The following ZC3H4 variants were observed in gnomAD, a reference collection of about 807,000 sequenced individuals.
ZC3H4 encodes zinc finger CCCH domain-containing protein 4.
In ZC3H4, 13 loss-of-function variants were observed where a neutral mutation model predicts 108.3. That is an observed-to-expected ratio of 0.12 (90% CI 0.08 to 0.19). The LOEUF (loss-of-function observed/expected upper bound fraction) is 0.19. Among genes scored for constraint, ZC3H4 ranks in the 10% least tolerant of loss-of-function variants. The pLI is 1.00. For synonymous variants in ZC3H4, 917 were observed against 749.6 expected, an observed-to-expected ratio of 1.22 and a Z score of -3.65; for missense variants, 1,734 against 1,838.8, an observed-to-expected ratio of 0.94 and a Z score of 1.04.
intron 2 of ZC3H4, among the ~76,000 whole-genome samples, chr19:47,106,934 C>G (rs980087132): frequency 7.2e-5 from 11 of 152,188 alleles, no homozygotes; most frequent in African/African-American, 2.4e-4. Context: ...CGTGGGGAAA[C>G]TGACTAGTTT....
At chr19:47,083,334 G>C (rs2122858417) in intron 9 of ZC3H4, among the ~76,000 whole-genome samples, 1 of 151,014 alleles carries the variant, frequency 6.6e-6, no homozygotes, top group African/African-American at 2.4e-5. Flanking sequence ...GAGAGAGAGA[G>C]AGAGAGAGAT....
chr19:47,088,558 A>G (rs2057674356), intron 5 of ZC3H4, among the ~76,000 whole-genome samples: 1 of 148,706 alleles, frequency 6.7e-6, no homozygotes, highest in Admixed American at 6.7e-5. Flanking sequence ...AAAAAAAAAG[A>G]AAGAATTGCT....
At chr19:47,102,769 C>CA (rs199731678) in intron 2 of ZC3H4, among the ~76,000 whole-genome samples, 6,149 of 102,932 alleles carry the variant, frequency 0.06, 181 homozygotes, top group East Asian at 0.11. Flanking sequence ...GGAATTCTGG[C>CA]AAAAAAAAAA....
At position 47,066,718 on chromosome 19, in the gene ZC3H4, T is replaced by C; in HGVS notation, c.3550A>G (p.Lys1184Glu). Reference sequence around the variant, plus strand: ...CGGACGAACGGGGGCTCCTTAGCCTTGGAGGCCGAGCTCTTGCCATTGCCC... The same window carrying C: ...CGGACGAACGGGGGCTCCTTAGCCTCGGAGGCCGAGCTCTTGCCATTGCCC... ...AEGNGKSSAS[K>E]AKEPPFVRKS... is the part of the protein sequence containing the mutation. Residue 1184 changes from lysine (K) to glutamate (E), a missense_variant, in exon 15 of 15, where the codon AAG (lysine) becomes GAG (glutamate). Physicochemically the swap from Lys to Glu is moderately conservative, Grantham distance 56. This residue lies in a region of ZC3H4 where 518 missense variants were observed against 499.6 expected (regional missense o/e 1.04). Transcript: ENST00000253048. 2 of 1,608,034 alleles carry C rather than the reference T, an allele frequency of 1.2e-6. No homozygotes were observed. Among genetic ancestry groups the C allele is most frequent in the South Asian group, 1.1e-5 (1 of 90,270 alleles).
intron 2 of ZC3H4, among the ~76,000 whole-genome samples, chr19:47,104,490 C>T (rs895031659): frequency 1.1e-4 from 16 of 152,172 alleles, no homozygotes; most frequent in Non-Finnish European, 4.4e-5. Context: ...AGTGCATATT[C>T]TATATGAAGT....
chr19:47,075,301 C>G (rs2057400603), intron 11 of ZC3H4, among the ~76,000 whole-genome samples: 2 of 152,176 alleles, frequency 1.3e-5, no homozygotes, highest in Non-Finnish European at 2.9e-5. Context: ...TGGGCACCAC[C>G]ACCTGAGATG....
intron 11 of ZC3H4, among the ~76,000 whole-genome samples, chr19:47,078,337 G>A (rs112698143): frequency 5.4e-4 from 82 of 151,690 alleles, no homozygotes; most frequent in African/African-American, 1.8e-3. Context: ...AGCCAGGCAC[G>A]GACGGGCATG....
chr19:47,101,456 GCCTGCCTTGGCCTTCT>G (rs944410012), intron 2 of ZC3H4, among the ~76,000 whole-genome samples: 10 of 152,088 alleles, frequency 6.6e-5, no homozygotes, highest in African/African-American at 1.9e-4. Context: ...TTGGACTAAA[GCCTGCCTTGGCCTTCT>G]CCTGCCTTGG....
In ZC3H4 at chr19:47,064,928, T is replaced by C. The variant is rs2057174428; in HGVS notation, c.*1428A>G. ...GAGGGAAGGGGAATCCCTTGGCAGGTAACTAGGTCTCTTCATGGTCAGCAA... is the reference window on the plus strand; with the variant it reads ...GAGGGAAGGGGAATCCCTTGGCAGGCAACTAGGTCTCTTCATGGTCAGCAA... On this transcript the variant is annotated 3_prime_UTR_variant, in exon 15 of 15. Transcript: ENST00000253048. 6.6e-6 allele frequency: 1 copy of C among 152,050 alleles called. No homozygotes were observed. Among genetic ancestry groups the C allele is most frequent in the South Asian group, 2.1e-4 (1 of 4,816 alleles). The allele number at this position is 152,050 out of a possible 1,614,324, so 9.4% of individuals were successfully genotyped here.
intron 2 of ZC3H4, among the ~76,000 whole-genome samples, chr19:47,107,328 T>C (rs1195460734): frequency 6.6e-6 from 1 of 152,168 alleles, no homozygotes; most frequent in African/African-American, 2.4e-5. Flanking sequence ...ATGCTGGCAT[T>C]GTGTGGGTGT....
At chr19:47,086,773 C>T (rs1196530219) in intron 5 of ZC3H4, among the ~76,000 whole-genome samples, 1 of 152,196 alleles carries the variant, frequency 6.6e-6, no homozygotes. Context: ...AGTACTCACT[C>T]CCCTTCCTCA....
At chr19:47,092,811 C>A (rs558452223) in intron 4 of ZC3H4, among the ~76,000 whole-genome samples, 3 of 124,762 alleles carry the variant, frequency 2.4e-5, no homozygotes. Context: ...AGCAAGACTC[C>A]GTCTCAATAA....
At position 47,077,829 on chromosome 19, in the gene ZC3H4, C is replaced by T. The variant is rs2057450108; in HGVS notation, c.1440+3684G>A. 3.3e-5 allele frequency among the ~76,000 whole-genome samples: 5 copies of T among 150,074 alleles called. No homozygotes were observed. In the South Asian group the frequency reaches 1.1e-3, roughly 32 times the overall value. ...CCAAGATCGCGCCACTGTGCTCCAG[C>T]CTGGGCAACAAGAGCAAAACTCCGT... On this transcript the variant is annotated intron_variant, in intron 11 of 14. Coordinates refer to ENST00000253048, the MANE Select transcript of ZC3H4 (RefSeq NM_015168.2).
intron 11 of ZC3H4, among the ~76,000 whole-genome samples, chr19:47,075,093 CCTAGCCATTAGCAATG>C (rs2057396545): frequency 6.6e-6 from 1 of 152,166 alleles, no homozygotes; most frequent in Non-Finnish European, 1.5e-5. Flanking sequence ...TTTCCCTTCT[CCTAGCCATTAGCAATG>C]GTATCTGGAC....
intron 11 of ZC3H4, among the ~76,000 whole-genome samples, chr19:47,080,222 C>G (rs1317731448): frequency 6.6e-6 from 1 of 152,198 alleles, no homozygotes; most frequent in Non-Finnish European, 1.5e-5. Flanking sequence ...CCAGATGAAT[C>G]AGGAAACTCA....
chr19:47,086,975 G>C (rs1312854171), intron 5 of ZC3H4, among the ~76,000 whole-genome samples: 1 of 146,136 alleles, frequency 6.8e-6, no homozygotes, highest in Non-Finnish European at 1.5e-5. Flanking sequence ...CAAAGACTTA[G>C]TTAAAAAAAA....
chr19:47,081,373 G>C, intron 11 of ZC3H4, 140 bp downstream of exon 11: 1 of 675,584 alleles, frequency 1.5e-6, no homozygotes. Context: ...CAGTGCCCGT[G>C]TCCTCCTTAG....
At position 47,090,195 on chromosome 19, in the gene ZC3H4, T is replaced by C; in HGVS notation, c.493-6A>G. 5 of 1,614,058 alleles carry C rather than the reference T, an allele frequency of 3.1e-6. 1 individual carries two copies. In the South Asian group the frequency reaches 5.5e-5, roughly 18 times the overall value. On this transcript the variant is annotated splice_polypyrimidine_tract_variant and splice_region_variant and intron_variant, in intron 4 of 14. Coordinates refer to ENST00000253048, the MANE Select transcript of ZC3H4 (RefSeq NM_015168.2). ...GGGGGGTACTGCTGGTGGGACTGCG[T>C]CCCAGAGATGGGGAAAAGAGGTGAG... is the stretch of plus-strand genomic sequence containing the variant.
Position 47,069,362 on chromosome 19 carries a change from G to C in ZC3H4, c.2147-19C>G, listed in dbSNP as rs756182728. On this transcript the variant is annotated intron_variant, in intron 13 of 14. Transcript: ENST00000253048. ...TAGTCCTCTGTGGCAGGGAAGAACC[G>C]AGGGTTCATGTCGGGAAGGGCCTCC... is the stretch of plus-strand genomic sequence containing the variant. The C allele has an allele frequency of 6.2e-7, 1 of 1,607,442 alleles. No individual in the cohort carries two copies. Among genetic ancestry groups the C allele is most frequent in the Non-Finnish European group, 8.5e-7 (1 of 1,177,274 alleles).
Sources: gnomAD v4.1 joint callset for allele counts (sites outside exome capture counted in the v4.1 genomes callset) on GRCh38, gnomAD v4.1.1 for gene constraint, gnomAD v4.1.1 regional missense constraint, MANE v1.5 for transcripts, NCBI Gene and HGNC (gene_info 2026-07-23, HGNC 2026-07-21) for gene names.